The following LMO7 variants were observed in gnomAD, a reference collection of about 807,000 sequenced individuals.
LMO7 encodes LIM domain only protein 7.
Under a neutral mutation model 206.5 loss-of-function variants are expected in LMO7, and 120 were observed. The ratio of observed to expected loss-of-function variants is 0.58; its 90% CI spans 0.50 to 0.68. The LOEUF is 0.68. LMO7 is among the 30% of genes least tolerant of loss of function. The probability of loss-of-function intolerance (pLI) is 0.00; values close to 1 mark genes in which losing one functional copy is unlikely to be tolerated. For missense variants in LMO7, 1,959 were observed against 1,957.9 expected (o/e 1.00, Z -0.01); for synonymous variants, 706 against 681.5 (o/e 1.04, Z -0.56).
chr13:75,720,357 A>G lies in LMO7; in HGVS notation c.141-6672A>G, dbSNP rs148637729. ...TTTAATGAAGTCCAGTGTGTCAATTATTTCTTTTACGAATTGTGCTTTTTG... is the reference window on the plus strand; with the variant it reads ...TTTAATGAAGTCCAGTGTGTCAATTGTTTCTTTTACGAATTGTGCTTTTTG... On this transcript the variant is annotated intron_variant, in intron 2 of 30. Coordinates refer to ENST00000377534, the MANE Select transcript of LMO7 (RefSeq NM_001306080.2). Among the ~76,000 whole-genome samples the G allele has an allele frequency of 2.7e-3, 413 of 152,202 alleles. 4 individuals carry two copies. Among genetic ancestry groups the G allele is most frequent in the Non-Finnish European group, 5.1e-3 (346 of 67,998 alleles).
At position 75,804,452 on chromosome 13, in the gene LMO7, T is replaced by C; in HGVS notation, c.825T>C (p.Pro275=). ...GACAGCCATCCTATGTACCAGCACC[T>C]CTGAGAAAGAAAAAGCCAGACAAAC... The part of the protein sequence containing the change: ...KSRQPSYVPA[P]LRKKKPDKHE... Residue 275 remains proline, a synonymous_variant, in exon 8 of 31, where the codon CCT becomes CCC. Coordinates refer to ENST00000377534, the MANE Select transcript of LMO7 (RefSeq NM_001306080.2). The C allele has an allele frequency of 1.9e-6, 3 of 1,614,142 alleles. No individual in the cohort carries two copies. The highest frequency in any genetic ancestry group is 2.5e-6 in the Non-Finnish European group (3 of 1,180,006).
intron 1 of LMO7, among the ~76,000 whole-genome samples, chr13:75,664,375 T>C (rs1022496118): frequency 6.6e-6 from 1 of 152,250 alleles, no homozygotes; most frequent in Non-Finnish European, 1.5e-5. Flanking sequence ...TTCTTTTTTA[T>C]GGCTGAATAG....
chr13:75,717,030 C>T (rs1483931879), intron 2 of LMO7, among the ~76,000 whole-genome samples: 1 of 151,700 alleles, frequency 6.6e-6, no homozygotes, highest in Non-Finnish European at 1.5e-5. Context: ...AGCTATGCAT[C>T]AGAAGTTTAT....
At chr13:75,737,900 GTT>G (rs1441250966) in intron 3 of LMO7, among the ~76,000 whole-genome samples, 1 of 125,546 alleles carries the variant, frequency 8.0e-6, no homozygotes, top group African/African-American at 3.1e-5. Flanking sequence ...TCTTCACCCA[GTT>G]TTCCCCATTT....
At chr13:75,643,451 A>G (rs1469417141) in intron 1 of LMO7, among the ~76,000 whole-genome samples, 3 of 152,196 alleles carry the variant, frequency 2.0e-5, no homozygotes, top group Non-Finnish European at 4.4e-5. Flanking sequence ...AGAGTTCCTG[A>G]CAGAATGTTC....
chr13:75,692,173 T>G (rs1260784020), intron 1 of LMO7, among the ~76,000 whole-genome samples: 1 of 152,154 alleles, frequency 6.6e-6, no homozygotes, highest in Non-Finnish European at 1.5e-5. Flanking sequence ...TATTGTCCTC[T>G]TATTACATCT....
intron 1 of LMO7, among the ~76,000 whole-genome samples, chr13:75,693,801 G>C (rs559169491): frequency 1.3e-4 from 20 of 152,126 alleles, no homozygotes; most frequent in Non-Finnish European, 5.9e-5. Context: ...AGTGAGGCTG[G>C]TTTTCTTTCT....
At chr13:75,728,916 G>A (rs1287637549) in intron 3 of LMO7, among the ~76,000 whole-genome samples, 1 of 149,312 alleles carries the variant, frequency 6.7e-6, no homozygotes, top group African/African-American at 2.5e-5. Context: ...TCTCAGGTTT[G>A]TCAAAGATCA....
At chr13:75,632,862 G>GTTTTTT (rs10690832), upstream of LMO7, among the ~76,000 whole-genome samples, 695 of 102,108 alleles carry the variant, frequency 6.8e-3, 71 homozygotes, top group Middle Eastern at 0.035. Flanking sequence ...TTACTTAAAA[G>GTTTTTT]TTTTTTTTTT....
chr13:75,730,686 G>C (rs1824079299), intron 3 of LMO7, among the ~76,000 whole-genome samples: 1 of 138,000 alleles, frequency 7.2e-6, no homozygotes, highest in African/African-American at 2.8e-5. Context: ...GAATGTGTTT[G>C]CTCTTGCTTT....
At position 75,713,306 on chromosome 13, in the gene LMO7, G is replaced by A. The variant is rs909233626; in HGVS notation, c.140+54G>A. On this transcript the variant is annotated intron_variant, in intron 2 of 30. Coordinates refer to ENST00000377534, the MANE Select transcript of LMO7 (RefSeq NM_001306080.2). ...TTCAAAAGCAAAGATATGTGTGTGT[G>A]TGAGTGATGAGGTGTTTGGCTCCTC... 4.4e-6 allele frequency: 6 copies of A among 1,350,756 alleles called. No homozygotes were observed. The Admixed American group carries it at 9.2e-5, about 21-fold the overall frequency. The allele number at this position is 1,350,756 out of a possible 1,614,324, so 83.7% of individuals were successfully genotyped here.
chr13:75,723,059 G>A (rs117955235), intron 2 of LMO7, among the ~76,000 whole-genome samples: 1,688 of 152,004 alleles, frequency 0.011, 16 homozygotes, highest in Non-Finnish European at 0.018. Context: ...TACATATTGC[G>A]TGCAGTGGAT....
chr13:75,695,258 G>A (rs1046547686), intron 1 of LMO7, among the ~76,000 whole-genome samples: 2 of 152,184 alleles, frequency 1.3e-5, no homozygotes, highest in Non-Finnish European at 2.9e-5. Context: ...GTGTTGAGAG[G>A]AATCTTAGAT....
At chr13:75,755,705 T>C (rs2047637898) in intron 3 of LMO7, among the ~76,000 whole-genome samples, 1 of 152,224 alleles carries the variant, frequency 6.6e-6, no homozygotes, top group Non-Finnish European at 1.5e-5. Context: ...TTTTGACTGG[T>C]CTGTATTCTT....
chr13:75,638,461 T>C (rs2036190943), intron 1 of LMO7, among the ~76,000 whole-genome samples: 1 of 152,192 alleles, frequency 6.6e-6, no homozygotes, highest in Non-Finnish European at 1.5e-5. Context: ...TAAAGGTGTT[T>C]ATCAGCAATG....
chr13:75,782,326 A>G (rs1342401950), intron 4 of LMO7, among the ~76,000 whole-genome samples: 2 of 152,216 alleles, frequency 1.3e-5, no homozygotes, highest in African/African-American at 2.4e-5. Context: ...TGATCCTCAT[A>G]TGCTGTGAAT....
At position 75,761,019 on chromosome 13, in the gene LMO7, T is replaced by G. The variant is rs776071632; in HGVS notation, c.298T>G (p.Ser100Ala). Residue 100 changes from serine (S) to alanine (A), a missense_variant, in exon 4 of 31, where the codon TCA (serine) becomes GCA (alanine). Transcript: ENST00000377534. ...LFHPGDLQDL[S>A]NRVTVKQEET... ...CCATCCTGGAGATCTACAGGATTTA[T>G]CAAATCGAGTCACTGTCAAGTAAGT... 6.2e-7 allele frequency: 1 copy of G among 1,610,996 alleles called. No individual in the cohort carries two copies. The highest frequency in any genetic ancestry group is 2.2e-5 in the East Asian group (1 of 44,820).
At chr13:75,764,830 T>C (rs1226576535) in intron 4 of LMO7, among the ~76,000 whole-genome samples, 1 of 152,168 alleles carries the variant, frequency 6.6e-6, no homozygotes. Context: ...CTGCTTGTCA[T>C]GCAAAGAAAT....
chr13:75,842,058 T>G, intron 24 of LMO7, 75 bp downstream of exon 24: 1 of 1,089,730 alleles, frequency 9.2e-7, no homozygotes, highest in South Asian at 1.6e-5. Flanking sequence ...CGCTTGCTCT[T>G]CCTGTTTCCT....
Sources: gnomAD v4.1 joint callset for allele counts (sites outside exome capture counted in the v4.1 genomes callset) on GRCh38, gnomAD v4.1.1 for gene constraint, MANE v1.5 for transcripts, NCBI Gene and HGNC (gene_info 2026-07-23, HGNC 2026-07-21) for gene names.